Variants in TLE3 observed in about 807,000 individuals in gnomAD.
TLE3 encodes transducin-like enhancer protein 3.
Under a neutral mutation model 93.0 loss-of-function variants are expected in TLE3, and 14 were observed. That is an observed-to-expected ratio of 0.15 (90% CI 0.10 to 0.24). The LOEUF is 0.24. Ranked by LOEUF, TLE3 falls within the 10% of genes least tolerant of loss-of-function variation. The probability of loss-of-function intolerance (pLI) is 1.00; values close to 1 mark genes in which losing one functional copy is unlikely to be tolerated. For synonymous variants in TLE3, 451 were observed against 425.0 expected (o/e 1.06, Z -0.75); for missense variants, 693 against 1,046.6 (o/e 0.66, Z 4.66).
At position 70,096,268 on chromosome 15, in the gene TLE3, C is replaced by G. The variant is rs1441134300; in HGVS notation, c.25-7G>C. 3 of 1,551,730 alleles carry G rather than the reference C, an allele frequency of 1.9e-6. No individual in the cohort carries two copies. The highest frequency in any genetic ancestry group is 1.7e-6 in the Non-Finnish European group (2 of 1,147,522). ...GCCCGGGTTGATGGGGAGCCTGGAG[C>G]CCGCGAAGACAAGACAGGGGAGGGG... On this transcript the variant is annotated splice_polypyrimidine_tract_variant and splice_region_variant and intron_variant, in intron 1 of 19. Transcript: ENST00000451782.
Position 70,055,250 on chromosome 15 carries a change from G to T in TLE3, c.1377C>A (p.Pro459=). Residue 459 remains proline, a synonymous_variant, in exon 15 of 20, where the codon CCC becomes CCA. Coordinates refer to ENST00000451782, the MANE Select transcript of TLE3 (RefSeq NM_001105192.3). ...VSADGQMQPV[P]FPHDALAGPG... ...GGCCTGCCAGGGCGTCGTGGGGGAA[G>T]GGCACGGGCTGCATCTGCCCATCAG... 1 of 1,609,704 alleles carries T rather than the reference G, an allele frequency of 6.2e-7. No individual in the cohort carries two copies.
chr15:70,056,208 C>G, intron 14 of TLE3, 90 bp downstream of exon 14: 1 of 1,387,592 alleles, frequency 7.2e-7, no homozygotes, highest in Non-Finnish European at 1.0e-6. Context: ...AACCCTTGGT[C>G]AGGGGATGAG....
At chr15:70,072,368 G>A (rs1320271654) in intron 6 of TLE3, among the ~76,000 whole-genome samples, 2 of 152,248 alleles carry the variant, frequency 1.3e-5, no homozygotes, top group East Asian at 1.9e-4. Context: ...TGTGGCCACC[G>A]CAGGGGTAGG....
chr15:70,088,641 A>G (rs991812377), intron 4 of TLE3, among the ~76,000 whole-genome samples: 2 of 151,764 alleles, frequency 1.3e-5, no homozygotes, highest in Non-Finnish European at 2.9e-5. Context: ...GCTCTCTTAA[A>G]CCAGACTGTC....
chr15:70,052,575 A>G, intron 17 of TLE3, 51 bp from the exon 18 acceptor site: 1 of 1,578,108 alleles, frequency 6.3e-7, no homozygotes, highest in South Asian at 1.1e-5. Context: ...CTCTGCCCTC[A>G]AGAGGAGGGC....
intron 4 of TLE3, among the ~76,000 whole-genome samples, chr15:70,077,494 C>T (rs140516423): frequency 1.4e-4 from 21 of 152,296 alleles, no homozygotes; most frequent in African/African-American, 4.3e-4. Context: ...AATCTGAAGG[C>T]GCATAAATAG....
intron 17 of TLE3, chr15:70,052,862 TTCTG>T (rs2055670524): frequency 6.5e-6 from 2 of 305,568 alleles, no homozygotes; most frequent in Non-Finnish European, 1.2e-5. Context: ...ACTGAATGCT[TTCTG>T]TGAGTCGGGT....
intron 4 of TLE3, among the ~76,000 whole-genome samples, chr15:70,079,946 T>G (rs1195641531): frequency 6.6e-6 from 1 of 152,062 alleles, no homozygotes; most frequent in African/African-American, 2.4e-5. Context: ...TAGAGAAATA[T>G]TTTTGAAAGA....
At position 70,058,029 on chromosome 15, in the gene TLE3, C is replaced by T; in HGVS notation, c.1051+130G>A. 2 of 1,428,192 alleles carry T rather than the reference C, an allele frequency of 1.4e-6. No individual in the cohort carries two copies. Among genetic ancestry groups the T allele is most frequent in the South Asian group, 1.3e-5 (1 of 74,162 alleles). The allele number at this position is 1,428,192 out of a possible 1,614,324, so 88.5% of individuals were successfully genotyped here. A position where few individuals can be genotyped will look rare whatever the true frequency, so the allele number is the denominator to read the frequency against. On this transcript the variant is annotated intron_variant, in intron 12 of 19. Transcript: ENST00000451782. The surrounding 1 kb of genome is among the most constrained non-coding windows in gnomAD (Gnocchi z 4.1). ...CCTCCTCAAATCTGACCGTGAAGTC[C>T]CCAGGGGCAGGCCCTGGGAGACACT... is the stretch of plus-strand genomic sequence containing the variant.
Position 70,097,413 on chromosome 15 carries a change from C to T in TLE3, c.-615G>A, listed in dbSNP as rs1358937936. On this transcript the variant is annotated 5_prime_UTR_variant, in exon 1 of 20. Transcript: ENST00000451782. ...CGGCGCGGGCGCTTCGACGCCCCCC[C>T]TCGGAGAGGAGAGCCTGCTGTTCCG... 4 of 411,562 alleles carry T rather than the reference C, an allele frequency of 9.7e-6. No individual in the cohort carries two copies. Among genetic ancestry groups the T allele is most frequent in the East Asian group, 3.5e-5 (1 of 28,230 alleles). 25.5% of individuals were successfully genotyped at this position (411,562 alleles called of 1,614,324 possible).
At chr15:70,060,730 GT>G in intron 8 of TLE3, 81 bp from the exon 9 acceptor site, 7 of 1,583,388 alleles carry the variant, frequency 4.4e-6, no homozygotes, top group Non-Finnish European at 5.1e-6. Flanking sequence ...CTAAGTGCAG[GT>G]GACACGGAGG....
chr15:70,058,249 T>G lies in TLE3; in HGVS notation c.961A>C (p.Thr321Pro). The G allele has an allele frequency of 1.9e-6, 3 of 1,612,884 alleles. No individual in the cohort carries two copies. Among genetic ancestry groups the G allele is most frequent in the Non-Finnish European group, 2.5e-6 (3 of 1,179,484 alleles). Residue 321 changes from threonine to proline, a missense_variant, in exon 12 of 20, where the codon ACC becomes CCC. By Grantham distance (38) the Thr-to-Pro change is conservative. Coordinates refer to ENST00000451782, the MANE Select transcript of TLE3 (RefSeq NM_001105192.3). The surrounding 1 kb of genome is among the most constrained non-coding windows in gnomAD (Gnocchi z 4.1). ...GGAGTTGGGGCGTCGTTCCTTGGGG[T>G]TGGTGTGTTGGACTTGAGCCCAGGG... Reference protein sequence around the residue: ...STPGLKSNTPTPRNDAPTPGT... With the variant: ...STPGLKSNTPPPRNDAPTPGT...
At chr15:70,057,333 C>T in intron 13 of TLE3, 126 bp downstream of exon 13, 1 of 1,141,832 alleles carries the variant, frequency 8.8e-7, no homozygotes, top group South Asian at 1.6e-5. Context: ...TACACCTTCC[C>T]ACAGGGGCAG....
chr15:70,062,033 T>C (rs2141577202), intron 8 of TLE3, among the ~76,000 whole-genome samples: 1 of 152,286 alleles, frequency 6.6e-6, no homozygotes, highest in Middle Eastern at 3.4e-3. Flanking sequence ...CTGGGCAGTA[T>C]TCGGTGGGAA....
At chr15:70,094,625 AT>A in intron 3 of TLE3, 49 bp from the exon 4 acceptor site, 1 of 1,371,308 alleles carries the variant, frequency 7.3e-7, no homozygotes, top group Non-Finnish European at 9.9e-7. Context: ...AAATCTGGTC[AT>A]TTTTCAAAAT....
In TLE3 at chr15:70,054,563, G is replaced by C; in HGVS notation, c.1701C>G (p.Ala567=). The stretch of plus-strand genomic sequence containing the variant: ...AGGCGGGAGCCGAGGACGTCAGCTC[G>C]GCCTTGATGCGGGGCGTGGGCGAGG... The part of the protein sequence containing the change: ...DLASPTPRIK[A]ELTSSAPACY... Residue 567 remains alanine (A), a synonymous_variant, in exon 16 of 20, where the codon GCC becomes GCG. Transcript: ENST00000451782. 1 of 1,613,956 alleles carries C rather than the reference G, an allele frequency of 6.2e-7. No individual in the cohort carries two copies. The highest frequency in any genetic ancestry group is 8.5e-7 in the Non-Finnish European group (1 of 1,179,874).
intron 13 of TLE3, among the ~76,000 whole-genome samples, chr15:70,057,209 G>C (rs1196310911): frequency 6.6e-6 from 1 of 152,238 alleles, no homozygotes; most frequent in Non-Finnish European, 1.5e-5. Context: ...CAGACTAAAA[G>C]GGAGGCTGCC....
intron 6 of TLE3, among the ~76,000 whole-genome samples, chr15:70,072,393 A>C (rs1453050873): frequency 6.6e-6 from 1 of 152,202 alleles, no homozygotes; most frequent in African/African-American, 2.4e-5. Flanking sequence ...GTTGGCCTGG[A>C]AACCTCAAGA....
In TLE3 at chr15:70,050,000, C is replaced by A. The variant is rs2055376470; in HGVS notation, c.*97G>T. On this transcript the variant is annotated 3_prime_UTR_variant, in exon 20 of 20. Transcript: ENST00000451782. ...CCTGAACGCTCGGCTGCCTGCGGCC[C>A]ATCCTCCGCCATCCTCGGGGCCCCT... The A allele has an allele frequency of 9.9e-7, 1 of 1,012,186 alleles. No homozygotes were observed. Among genetic ancestry groups the A allele is most frequent in the African/African-American group, 1.6e-5 (1 of 62,842 alleles). 62.7% of individuals were successfully genotyped at this position (1,012,186 alleles called of 1,614,324 possible). A position where few individuals can be genotyped will look rare whatever the true frequency, so the allele number is the denominator to read the frequency against.
Sources: allele counts gnomAD v4.1 joint callset (sites outside exome capture counted in the v4.1 genomes callset), GRCh38; gene constraint gnomAD v4.1.1; non-coding constraint Gnocchi (gnomAD v3.1); transcripts MANE v1.5; gene names NCBI Gene and HGNC (gene_info 2026-07-23, HGNC 2026-07-21).